AUTS2: variants seen among roughly 807,000 people sequenced by gnomAD.
AUTS2 encodes activator of transcription and developmental regulator AUTS2.
AUTS2 carries 17 observed loss-of-function variants against 112.4 expected under a neutral mutation model. That is an observed-to-expected ratio of 0.15 (90% CI 0.10 to 0.23). The LOEUF is 0.23. Ranked by LOEUF, AUTS2 falls within the 10% of genes least tolerant of loss-of-function variation. The pLI is 1.00. For synonymous variants in AUTS2, 751 were observed against 702.7 expected (o/e 1.07, Z -1.09); for missense variants, 1,510 against 1,701.6 (o/e 0.89, Z 1.98).
At position 69,891,774 on chromosome 7, in the gene AUTS2, C is replaced by CTTTTTTTTTTT. The variant is rs763424098; in HGVS notation, c.310-7485_310-7475dup. 2.6e-3 allele frequency among the ~76,000 whole-genome samples: 69 copies of CTTTTTTTTTTT among 26,736 alleles called. 27 individuals are homozygous for CTTTTTTTTTTT. The highest frequency in any genetic ancestry group is 3.0e-3 in the Non-Finnish European group (38 of 12,792). The allele number at this position is 26,736 out of a possible 152,430, so 17.5% of individuals were successfully genotyped here. Reference sequence around the variant, plus strand: ...ATTCATTCACTTTCCAGACAGATATCTTTTTTTTTTTTTTTTTTTTTTTTT... The same window carrying CTTTTTTTTTTT: ...ATTCATTCACTTTCCAGACAGATATCTTTTTTTTTTTTTTTTTTTTTTTTTTTTTTTTTTTT... On this transcript the variant is annotated intron_variant, in intron 1 of 18. Coordinates refer to ENST00000342771, the MANE Select transcript of AUTS2 (RefSeq NM_015570.4).
intron 1 of AUTS2, among the ~76,000 whole-genome samples, chr7:69,875,471 G>A (rs1793689025): frequency 6.6e-6 from 1 of 152,138 alleles, no homozygotes; most frequent in Non-Finnish European, 1.5e-5. Flanking sequence ...TATTATTATT[G>A]TTAAATTGAT....
intron 5 of AUTS2, among the ~76,000 whole-genome samples, chr7:70,625,132 A>T (rs1047755288): frequency 6.6e-6 from 1 of 151,984 alleles, no homozygotes; most frequent in Non-Finnish European, 1.5e-5. Context: ...AGCACTCACC[A>T]CAGTAGCAAT....
chr7:70,365,269 C>T (rs1338258876), intron 4 of AUTS2, among the ~76,000 whole-genome samples: 4 of 152,174 alleles, frequency 2.6e-5, no homozygotes, highest in East Asian at 3.9e-4. Flanking sequence ...TCTCATTTCC[C>T]GTTAGGTCAT....
Position 70,594,450 on chromosome 7 carries a change from G to A in AUTS2, c.691-104119G>A, listed in dbSNP as rs370856843. Among the ~76,000 whole-genome samples the A allele has an allele frequency of 1.2e-4, 18 of 152,302 alleles. No homozygotes were observed. The East Asian group carries it at 3.5e-3, about 29-fold the overall frequency. ...AGTGGAGAGAACCGGTGATTTGATA[G>A]CATTGGTGAGCTGGCTCAACTCTCT... On this transcript the variant is annotated intron_variant, in intron 5 of 18. Transcript: ENST00000342771.
chr7:70,395,437 C>T (rs971974992), intron 4 of AUTS2, among the ~76,000 whole-genome samples: 7 of 152,190 alleles, frequency 4.6e-5, no homozygotes, highest in African/African-American at 1.7e-4. Context: ...CTATTCTTTC[C>T]TAATTATCAG....
intron 2 of AUTS2, among the ~76,000 whole-genome samples, chr7:69,926,456 T>C (rs1796015554): frequency 8.9e-6 from 1 of 111,894 alleles, no homozygotes; most frequent in Non-Finnish European, 2.0e-5. Flanking sequence ...TCTATCTATC[T>C]ATCTATCTAT....
At chr7:69,651,137 T>C (rs1004238678) in intron 1 of AUTS2, among the ~76,000 whole-genome samples, 1 of 152,202 alleles carries the variant, frequency 6.6e-6, no homozygotes, top group Non-Finnish European at 1.5e-5. Context: ...CCTAGTAGTG[T>C]CGTGAGGACT....
Position 69,890,693 on chromosome 7 carries a change from G to GAA in AUTS2, c.310-8579_310-8578dup, listed in dbSNP as rs56364103. ...TAATTGAGAACTGGCTGTTAAAAAT[G>GAA]AAAAAAAAAAAAAAATACGAACTCT... is the stretch of plus-strand genomic sequence containing the variant. On this transcript the variant is annotated intron_variant, in intron 1 of 18. Transcript: ENST00000342771. Among the ~76,000 whole-genome samples the GAA allele has an allele frequency of 3.3e-3, 444 of 134,052 alleles. 3 individuals carry two copies. Among genetic ancestry groups the GAA allele is most frequent in the African/African-American group, 9.3e-3 (350 of 37,572 alleles). The allele number at this position is 134,052 out of a possible 152,430, so 87.9% of individuals were successfully genotyped here. A position where few individuals can be genotyped will look rare whatever the true frequency, so the allele number is the denominator to read the frequency against.
chr7:70,016,260 G>A (rs1800023006), intron 2 of AUTS2, among the ~76,000 whole-genome samples: 1 of 152,118 alleles, frequency 6.6e-6, no homozygotes, highest in African/African-American at 2.4e-5. Flanking sequence ...TTTTAAGAAG[G>A]TCAGTTTGAC....
intron 1 of AUTS2, among the ~76,000 whole-genome samples, chr7:69,693,676 GTCTC>G (rs149717542): frequency 2.6e-5 from 4 of 151,270 alleles, no homozygotes; most frequent in Admixed American, 1.3e-4. Context: ...CTCTCTGTCT[GTCTC>G]TCTCTCTCTC....
intron 4 of AUTS2, among the ~76,000 whole-genome samples, chr7:70,403,016 G>A (rs1794390224): frequency 6.6e-6 from 1 of 152,182 alleles, no homozygotes; most frequent in Non-Finnish European, 1.5e-5. Context: ...AGGTGCAGTT[G>A]AAATAATACT....
At chr7:70,182,699 A>G (rs1458391447) in intron 4 of AUTS2, among the ~76,000 whole-genome samples, 1 of 152,148 alleles carries the variant, frequency 6.6e-6, no homozygotes, top group African/African-American at 2.4e-5. Context: ...TAACCGAGCA[A>G]CCATTCTAAG....
At chr7:70,511,226 G>T (rs1799171186) in intron 5 of AUTS2, among the ~76,000 whole-genome samples, 1 of 152,084 alleles carries the variant, frequency 6.6e-6, no homozygotes, top group Non-Finnish European at 1.5e-5. Flanking sequence ...GGGTCCTGAG[G>T]TCAAAGCATT....
At chr7:70,005,513 T>C (rs774929950) in intron 2 of AUTS2, among the ~76,000 whole-genome samples, 2 of 152,190 alleles carry the variant, frequency 1.3e-5, no homozygotes, top group African/African-American at 2.4e-5. Flanking sequence ...CTCACTATTG[T>C]GATAGACCAA....
intron 4 of AUTS2, among the ~76,000 whole-genome samples, chr7:70,271,673 G>A (rs1787699687): frequency 1.3e-5 from 2 of 152,084 alleles, no homozygotes; most frequent in African/African-American, 2.4e-5. Context: ...CTTTGAATGG[G>A]GTTGCCCAAT....
chr7:70,633,567 C>A (rs1476816786), intron 5 of AUTS2, among the ~76,000 whole-genome samples: 1 of 148,234 alleles, frequency 6.7e-6, no homozygotes, highest in Admixed American at 6.8e-5. Flanking sequence ...GCTGAGATCC[C>A]ACCACTGCAC....
At chr7:70,263,296 C>G (rs926397652) in intron 4 of AUTS2, among the ~76,000 whole-genome samples, 1 of 152,040 alleles carries the variant, frequency 6.6e-6, no homozygotes, top group Non-Finnish European at 1.5e-5. Context: ...GTACATCTTA[C>G]GTTAAGTTTT....
rs543465120 is a variant in AUTS2 at position 70,227,441 on chromosome 7, G to T, written c.660+92870G>T. ...CAATGAGTTTTAGTAAATTTGCAGA[G>T]ATTTGTAACCATCACCACAATATGA... On this transcript the variant is annotated intron_variant, in intron 4 of 18. Coordinates refer to ENST00000342771, the MANE Select transcript of AUTS2 (RefSeq NM_015570.4). Among the ~76,000 whole-genome samples, 5 of 152,134 alleles carry T rather than the reference G, an allele frequency of 3.3e-5. No individual in the cohort carries two copies. In the East Asian group the frequency reaches 7.7e-4, roughly 23 times the overall value.
intron 5 of AUTS2, among the ~76,000 whole-genome samples, chr7:70,491,673 G>C (rs1798252930): frequency 6.6e-6 from 1 of 150,754 alleles, no homozygotes; most frequent in African/African-American, 2.4e-5. Context: ...AGAGTGCAGT[G>C]GCGCAATCTC....
Sources: gnomAD v4.1 joint callset for allele counts (sites outside exome capture counted in the v4.1 genomes callset) on GRCh38, gnomAD v4.1.1 for gene constraint, MANE v1.5 for transcripts, NCBI Gene and HGNC (gene_info 2026-07-23, HGNC 2026-07-21) for gene names.